RBP5: variants seen among roughly 807,000 people sequenced by gnomAD.
The protein encoded by RBP5 is retinol binding protein 5, also known as retinol-binding protein 5.
In RBP5, 12 loss-of-function variants were observed where a neutral mutation model predicts 17.8. That is an observed-to-expected ratio of 0.67 (90% CI 0.43 to 1.09). The LOEUF is 1.09. RBP5 is among the 50% of genes least tolerant of loss of function. RBP5 has a pLI of 0.00. For missense variants in RBP5, 172 were observed against 169.4 expected (o/e 1.02, Z -0.09); for synonymous variants, 64 against 68.1 (o/e 0.94, Z 0.30).
At chr12:7,127,659 T>C (rs760103037) in intron 2 of RBP5, 31 of 702,244 alleles carry the variant, frequency 4.4e-5, no homozygotes, top group Non-Finnish European at 7.3e-5. Context: ...GTTGAAAACA[T>C]TGCCCTGGAG....
upstream of RBP5, chr12:7,129,428 G>A (rs1939236720): frequency 5.8e-6 from 1 of 172,866 alleles, no homozygotes; most frequent in Non-Finnish European, 1.2e-5. The surrounding 1 kb of genome is among the most constrained non-coding windows in gnomAD (Gnocchi z 5.5). Context: ...CCAGACTCTT[G>A]GTCCTAAAGA....
At chr12:7,122,980 A>G (rs1939101965), downstream of RBP5, among the ~76,000 whole-genome samples, 1 of 152,084 alleles carries the variant, frequency 6.6e-6, no homozygotes. Flanking sequence ...CAGCCGTTGC[A>G]GGAAGATGGG....
At chr12:7,126,988 A>AT (rs35155124) in intron 2 of RBP5, among the ~76,000 whole-genome samples, 29,006 of 86,462 alleles carry the variant, frequency 0.34, 5,907 homozygotes, top group African/African-American at 0.53. Flanking sequence ...GTACTTTTGT[A>AT]TTTTTTTTTT....
Position 7,124,069 on chromosome 12 carries a change from C to T in RBP5, c.*52G>A, listed in dbSNP as rs1939119099. 7.6e-6 allele frequency: 12 copies of T among 1,572,962 alleles called. No homozygotes were observed. The highest frequency in any genetic ancestry group is 5.0e-5 in the Admixed American group (3 of 59,930). Reference sequence around the variant, plus strand: ...CAATCTGGGCTTGAAGGGGGCACAACAAGAGCGTCTGTGAGCTGGTGCTGT... The same window carrying T: ...CAATCTGGGCTTGAAGGGGGCACAATAAGAGCGTCTGTGAGCTGGTGCTGT... On this transcript the variant is annotated 3_prime_UTR_variant, in exon 4 of 4. Coordinates refer to ENST00000266560, the MANE Select transcript of RBP5 (RefSeq NM_031491.4). The surrounding 1 kb of genome is among the most constrained non-coding windows in gnomAD (Gnocchi z 5.3).
At chr12:7,122,344 G>A (rs1205872185), downstream of RBP5, 1 of 152,238 alleles carries the variant, frequency 6.6e-6, no homozygotes, top group Admixed American at 6.5e-5. Flanking sequence ...GGTGTGGTCT[G>A]GCCCCTGGAG....
intron 2 of RBP5, among the ~76,000 whole-genome samples, chr12:7,125,622 G>A (rs918030459): frequency 6.6e-5 from 10 of 152,150 alleles, no homozygotes; most frequent in Non-Finnish European, 1.0e-4. Context: ...GCAGTGGGGC[G>A]GGCAGAGTGA....
chr12:7,124,771 G>A lies in RBP5; in HGVS notation c.253-41C>T, dbSNP rs1480597027. On this transcript the variant is annotated intron_variant, in intron 2 of 3. Coordinates refer to ENST00000266560, the MANE Select transcript of RBP5 (RefSeq NM_031491.4). The surrounding 1 kb of genome is among the most constrained non-coding windows in gnomAD (Gnocchi z 5.3). Reference sequence around the variant, plus strand: ...GGAGTAAAGAAAGATTAGGAGGCAGGACACTCAAAATGCTTCCCATCTCAC... The same window carrying A: ...GGAGTAAAGAAAGATTAGGAGGCAGAACACTCAAAATGCTTCCCATCTCAC... 1.6e-6 allele frequency: 2 copies of A among 1,232,964 alleles called. No individual in the cohort carries two copies. 76.4% of individuals were successfully genotyped at this position (1,232,964 alleles called of 1,614,324 possible). A position where few individuals can be genotyped will look rare whatever the true frequency, so the allele number is the denominator to read the frequency against.
At chr12:7,129,820 C>T, upstream of RBP5, 1 of 985,648 alleles carries the variant, frequency 1.0e-6, no homozygotes, top group Non-Finnish European at 1.2e-6. This position sits in a 1 kb window ranked among gnomAD's most constrained non-coding sequence, Gnocchi z 5.5. Context: ...GGCGGCCGGT[C>T]CCGACAGGTG....
chr12:7,126,879 C>G (rs1049393209), intron 2 of RBP5, among the ~76,000 whole-genome samples: 2 of 152,140 alleles, frequency 1.3e-5, no homozygotes, highest in Non-Finnish European at 2.9e-5. Context: ...GATCTTGGCT[C>G]ACTGCAACCT....
intron 2 of RBP5, chr12:7,127,531 T>C: frequency 1.6e-6 from 1 of 623,538 alleles, no homozygotes; most frequent in South Asian, 1.9e-5. Flanking sequence ...TTTATTTGTA[T>C]CATTTTGTAT....
Position 7,128,576 on chromosome 12 carries a change from G to A in RBP5, c.73+127C>T. On this transcript the variant is annotated intron_variant, in intron 1 of 3. Coordinates refer to ENST00000266560, the MANE Select transcript of RBP5 (RefSeq NM_031491.4). This position sits in a 1 kb window ranked among gnomAD's most constrained non-coding sequence, Gnocchi z 5.3. ...TGGTTAGAAATGGATCCCAGGTCTG[G>A]TGCCAGCCGCCTGAGCCTTTCCACA... 1 of 1,190,404 alleles carries A rather than the reference G, an allele frequency of 8.4e-7. No individual in the cohort carries two copies. The allele number at this position is 1,190,404 out of a possible 1,614,324, so 73.7% of individuals were successfully genotyped here. A position where few individuals can be genotyped will look rare whatever the true frequency, so the allele number is the denominator to read the frequency against.
At chr12:7,123,135 C>T (rs1939105172), downstream of RBP5, among the ~76,000 whole-genome samples, 1 of 152,166 alleles carries the variant, frequency 6.6e-6, no homozygotes, top group African/African-American at 2.4e-5. Flanking sequence ...GCCAAGGCCC[C>T]TGGAGGTGGA....
downstream of RBP5, among the ~76,000 whole-genome samples, chr12:7,119,228 T>A (rs1182137928): frequency 1.6e-5 from 2 of 124,770 alleles, no homozygotes; most frequent in Non-Finnish European, 3.4e-5. Flanking sequence ...GGCTGGGGGG[T>A]AGGGGTGGAT....
downstream of RBP5, chr12:7,119,077 C>G (rs935600652): frequency 4.6e-5 from 7 of 152,350 alleles, no homozygotes; most frequent in Admixed American, 3.3e-4. Flanking sequence ...AGGGGAGTAG[C>G]TGGGAGGGTT....
rs1939218574 is a variant in RBP5 at position 7,128,554 on chromosome 12, T to C, written c.74-136A>G. 1 of 1,186,866 alleles carries C rather than the reference T, an allele frequency of 8.4e-7. No individual in the cohort carries two copies. The highest frequency in any genetic ancestry group is 1.5e-5 in the African/African-American group (1 of 65,896). The allele number at this position is 1,186,866 out of a possible 1,614,324, so 73.5% of individuals were successfully genotyped here. A position where few individuals can be genotyped will look rare whatever the true frequency, so the allele number is the denominator to read the frequency against. Reference sequence around the variant, plus strand: ...TTCACCCCCTCCTACCAATGCCTGGTTAGAAATGGATCCCAGGTCTGGTGC... The same window carrying C: ...TTCACCCCCTCCTACCAATGCCTGGCTAGAAATGGATCCCAGGTCTGGTGC... On this transcript the variant is annotated intron_variant, in intron 1 of 3. Coordinates refer to ENST00000266560, the MANE Select transcript of RBP5 (RefSeq NM_031491.4). The surrounding 1 kb of genome is among the most constrained non-coding windows in gnomAD (Gnocchi z 5.3).
At position 7,124,659 on chromosome 12, in the gene RBP5, T is replaced by C. The variant is rs200728973; in HGVS notation, c.324A>G (p.Arg108=). 2 of 1,611,714 alleles carry C rather than the reference T, an allele frequency of 1.2e-6. No homozygotes were observed. The highest frequency in any genetic ancestry group is 2.2e-5 in the East Asian group (1 of 44,836). Residue 108 remains arginine (R), a synonymous_variant, in exon 3 of 4, where the codon AGA becomes AGG. Transcript: ENST00000266560. The surrounding 1 kb of genome is among the most constrained non-coding windows in gnomAD (Gnocchi z 5.3). ...QKGEVPNRGW[R]HWLEGEMLYL... is the part of the protein sequence containing the mutation. ...ACAGCATCTCTCCCTCCAGCCAGTG[T>C]CTCCAGCCCCGGTTGGGGACCTCCC...
intron 2 of RBP5, chr12:7,127,567 C>T (rs989806052): frequency 1.3e-5 from 8 of 632,436 alleles, no homozygotes; most frequent in Non-Finnish European, 2.0e-5. Flanking sequence ...TTATTTTTCC[C>T]AAATATTTTT....
chr12:7,125,221 G>A (rs1238048252), intron 2 of RBP5, among the ~76,000 whole-genome samples: 1 of 152,144 alleles, frequency 6.6e-6, no homozygotes, highest in African/African-American at 2.4e-5. Flanking sequence ...ACTCCTAAAG[G>A]TCACCGAGGG....
chr12:7,115,942 G>A (rs1938999915), exon 4 of RBP5: 2 of 152,214 alleles, frequency 1.3e-5, no homozygotes, highest in African/African-American at 4.8e-5. Context: ...TCGGGAGACA[G>A]CACTAGGGGG....
Sources: allele counts gnomAD v4.1 joint callset (sites outside exome capture counted in the v4.1 genomes callset), GRCh38; gene constraint gnomAD v4.1.1; non-coding constraint Gnocchi (gnomAD v3.1); transcripts MANE v1.5; gene names NCBI Gene and HGNC (gene_info 2026-07-23, HGNC 2026-07-21).